Variants in USP48 observed in about 807,000 individuals in gnomAD.
The protein encoded by USP48 is ubiquitin carboxyl-terminal hydrolase 48.
Under a neutral mutation model 150.7 loss-of-function variants are expected in USP48, and 43 were observed. The ratio of observed to expected loss-of-function variants is 0.29; its 90% CI spans 0.22 to 0.37. The LOEUF (loss-of-function observed/expected upper bound fraction) is 0.37. Among genes scored for constraint, USP48 ranks in the 10% least tolerant of loss-of-function variants. The probability of loss-of-function intolerance (pLI) is 1.00; values close to 1 mark genes in which losing one functional copy is unlikely to be tolerated. For synonymous variants in USP48, 396 were observed against 425.9 expected (o/e 0.93, Z 0.86); for missense variants, 813 against 1,249.6 (o/e 0.65, Z 5.27).
chr1:21,690,684 T>C, intron 23 of USP48, among the ~76,000 whole-genome samples: 1 of 151,872 alleles, frequency 6.6e-6, no homozygotes, highest in South Asian at 2.1e-4. Context: ...CTACCATGTC[T>C]GGCGGATTTT....
chr1:21,699,437 A>G (rs1032221285), intron 22 of USP48, among the ~76,000 whole-genome samples: 14 of 150,750 alleles, frequency 9.3e-5, no homozygotes, highest in African/African-American at 2.7e-4. Flanking sequence ...TGACCTCGTG[A>G]TCTGCCCGCC....
chr1:21,754,201 T>C lies in USP48; in HGVS notation c.413-1082A>G, dbSNP rs539423743. 3.9e-4 allele frequency among the ~76,000 whole-genome samples: 59 copies of C among 152,172 alleles called. No individual in the cohort carries two copies. The Middle Eastern group carries it at 0.014, about 35-fold the overall frequency. ...AGAAATAGAATTAGCAACCATGTTT[T>C]GTGGAAGTCATGAGGCAGCCAGGAC... On this transcript the variant is annotated intron_variant, in intron 3 of 26. Transcript: ENST00000308271.
At chr1:21,733,374 G>A (rs1418640021) in intron 9 of USP48, among the ~76,000 whole-genome samples, 1 of 151,952 alleles carries the variant, frequency 6.6e-6, no homozygotes, top group Non-Finnish European at 1.5e-5. Flanking sequence ...CCGAGATCGC[G>A]CCATTGCACT....
rs150661666 is a variant in USP48, at chr1:21,766,193, C to T, written c.135-8410G>A. ...GACCAGCCTGGCCAACGTGGCAAAACCCTACTAAACTTCTACTAAGAATAT... is the reference window on the plus strand; with the variant it reads ...GACCAGCCTGGCCAACGTGGCAAAATCCTACTAAACTTCTACTAAGAATAT... On this transcript the variant is annotated intron_variant, in intron 1 of 26. Transcript: ENST00000308271. Among the ~76,000 whole-genome samples the T allele has an allele frequency of 4.7e-3, 717 of 152,184 alleles. 4 individuals carry two copies. Among genetic ancestry groups the T allele is most frequent in the Non-Finnish European group, 8.4e-3 (568 of 68,008 alleles).
chr1:21,731,873 GA>G (rs1375216051), intron 9 of USP48, among the ~76,000 whole-genome samples: 1 of 151,482 alleles, frequency 6.6e-6, no homozygotes, highest in Non-Finnish European at 1.5e-5. Context: ...TCTCCAAAAA[GA>G]AAAAACAAAA....
At chr1:21,708,667 A>C (rs1048732211) in intron 15 of USP48, among the ~76,000 whole-genome samples, 3 of 151,864 alleles carry the variant, frequency 2.0e-5, no homozygotes, top group African/African-American at 7.3e-5. Flanking sequence ...GTGGATCACA[A>C]GGTCAGGAGT....
At chr1:21,731,825 C>T (rs1221493022) in intron 9 of USP48, among the ~76,000 whole-genome samples, 1 of 152,010 alleles carries the variant, frequency 6.6e-6, no homozygotes, top group East Asian at 1.9e-4. Flanking sequence ...GCCAAGATCA[C>T]GCCACTGTAC....
chr1:21,775,628 T>C (rs1002169700), intron 1 of USP48, among the ~76,000 whole-genome samples: 1 of 152,262 alleles, frequency 6.6e-6, no homozygotes, highest in African/African-American at 2.4e-5. Flanking sequence ...TCTAGAGTGC[T>C]TCACACATTT....
rs2152572568 is a variant in USP48 at position 21,747,104 on chromosome 1, T to C, written c.954A>G (p.Ser318=). Residue 318 remains serine (S), a synonymous_variant, in exon 8 of 27, where the codon TCA becomes TCG. Transcript: ENST00000308271. The part of the protein sequence containing the change: ...KKKLNTYIGF[S]EILDMEPYVE... ...CATAAGGCTCCATATCCAAAATTTC[T>C]GAGAAGCCAATGTAGGTATTCAGCT... The C allele has an allele frequency of 6.2e-7, 1 of 1,612,230 alleles. No homozygotes were observed.
chr1:21,752,463 T>C, intron 5 of USP48, 64 bp downstream of exon 5: 6 of 1,577,020 alleles, frequency 3.8e-6, no homozygotes, highest in African/African-American at 1.4e-5. Flanking sequence ...CACTGAAAAA[T>C]AGTTAACATA....
intron 13 of USP48, 109 bp from the exon 14 acceptor site, chr1:21,721,275 C>T: frequency 7.0e-7 from 1 of 1,421,452 alleles, no homozygotes. Flanking sequence ...TCAACATCAG[C>T]TACTGTACAT....
rs1405271758 is a variant in USP48 at position 21,779,542 on chromosome 1, T to A, written c.134+3282A>T. Among the ~76,000 whole-genome samples the A allele has an allele frequency of 2.0e-5, 3 of 150,976 alleles. No homozygotes were observed. The East Asian group carries it at 5.8e-4, about 29-fold the overall frequency. ...GCCTGGGCAACACAGAGAGACTCCG[T>A]CTCAAAAAAAAAATAATAATAATAA... On this transcript the variant is annotated intron_variant, in intron 1 of 26. Coordinates refer to ENST00000308271, the MANE Select transcript of USP48 (RefSeq NM_032236.8).
At chr1:21,703,714 A>T in intron 20 of USP48, 96 bp from the exon 21 acceptor site, 1 of 939,536 alleles carries the variant, frequency 1.1e-6, no homozygotes, top group Non-Finnish European at 1.6e-6. Context: ...TTACTAGTGA[A>T]TATTCATTAA....
intron 11 of USP48, among the ~76,000 whole-genome samples, chr1:21,725,412 G>T (rs770738754): frequency 6.6e-6 from 1 of 152,196 alleles, no homozygotes; most frequent in Non-Finnish European, 1.5e-5. Context: ...GAAGAAAAGA[G>T]ATATGGAAAA....
rs754873930 is a variant in USP48, at chr1:21,752,581, T to A, written c.611A>T (p.Asp204Val). 1.2e-6 allele frequency: 2 copies of A among 1,613,546 alleles called. No individual in the cohort carries two copies. The highest frequency in any genetic ancestry group is 1.7e-6 in the Non-Finnish European group (2 of 1,179,930). The change falls in exon 5 of 27, where the codon GAT becomes GTT. Residue 204 changes from aspartate to valine, a missense_variant. Physicochemically the swap from Asp to Val is radical, Grantham distance 152. Coordinates refer to ENST00000308271, the MANE Select transcript of USP48 (RefSeq NM_032236.8). ...EDTLSKQKNP[D>V]VRNIVQQQFC... ...CTGCTGTTGAACAATATTGCGCACA[T>A]CTGGATTCTTTTGTTTAGACAAAGT...
intron 8 of USP48, among the ~76,000 whole-genome samples, chr1:21,744,777 T>TAAAAAAAAAAA (rs10699993): frequency 1.3e-4 from 8 of 59,592 alleles, no homozygotes; most frequent in African/African-American, 3.5e-4. Context: ...ACTCTATCTC[T>TAAAAAAAAAAA]AAAAAAAAAA....
At chr1:21,772,577 C>T (rs551260787) in intron 1 of USP48, among the ~76,000 whole-genome samples, 2 of 149,804 alleles carry the variant, frequency 1.3e-5, no homozygotes, top group Non-Finnish European at 3.0e-5. Flanking sequence ...GAGCCGAGAT[C>T]GCGCCACTGC....
intron 1 of USP48, among the ~76,000 whole-genome samples, chr1:21,768,929 T>TA (rs1035297555): frequency 5.9e-5 from 9 of 152,216 alleles, no homozygotes; most frequent in African/African-American, 2.2e-4. Context: ...CCTCCCAAAC[T>TA]GCTGGGGTTA....
At chr1:21,746,894 T>C (rs1027623991) in intron 8 of USP48, among the ~76,000 whole-genome samples, 173 bp downstream of exon 8, 1 of 152,166 alleles carries the variant, frequency 6.6e-6, no homozygotes, top group African/African-American at 2.4e-5. Context: ...TCACACAAAA[T>C]GGAATTAACA....
Sources: gnomAD v4.1 joint callset for allele counts (sites outside exome capture counted in the v4.1 genomes callset) on GRCh38, gnomAD v4.1.1 for gene constraint, MANE v1.5 for transcripts, NCBI Gene and HGNC (gene_info 2026-07-23, HGNC 2026-07-21) for gene names.